Variants in TNRC6C observed in about 807,000 individuals in gnomAD.
The protein encoded by TNRC6C is trinucleotide repeat containing adaptor 6C.
Under a neutral mutation model 153.7 loss-of-function variants are expected in TNRC6C, and 20 were observed. The ratio of observed to expected loss-of-function variants is 0.13; its 90% CI spans 0.09 to 0.19. The LOEUF is 0.19. TNRC6C is among the 10% of genes least tolerant of loss of function. The pLI, the probability that TNRC6C is intolerant of heterozygous loss-of-function variation, is 1.00. For synonymous variants in TNRC6C, 811 were observed against 841.4 expected (o/e 0.96, Z 0.63); for missense variants, 1,987 against 2,172.0 (o/e 0.91, Z 1.69).
At chr17:78,030,342 G>A (rs1019883442) in intron 1 of TNRC6C, among the ~76,000 whole-genome samples, 2 of 151,840 alleles carry the variant, frequency 1.3e-5, no homozygotes, top group African/African-American at 4.8e-5. Context: ...GTGTGTGTGT[G>A]TAGTAGAGAC....
intron 16 of TNRC6C, chr17:78,097,850 C>T: frequency 6.5e-7 from 1 of 1,547,088 alleles, no homozygotes; most frequent in South Asian, 1.2e-5. Flanking sequence ...GCATCCGCAC[C>T]TAGTGTTGCA....
intron 3 of TNRC6C, among the ~76,000 whole-genome samples, chr17:78,051,805 A>G (rs2072543250): frequency 1.3e-5 from 2 of 152,236 alleles, no homozygotes; most frequent in East Asian, 1.9e-4. Flanking sequence ...CAAAGAAGAT[A>G]GGATAGACAT....
chr17:77,958,408 G>A (rs949671213), upstream of TNRC6C, among the ~76,000 whole-genome samples: 4 of 151,880 alleles, frequency 2.6e-5, no homozygotes, highest in South Asian at 2.1e-4. Flanking sequence ...CTCGGAGCGC[G>A]CACCGCTCGC....
intron 13 of TNRC6C, among the ~76,000 whole-genome samples, chr17:78,090,349 G>C (rs1157361925): frequency 6.6e-6 from 1 of 152,176 alleles, no homozygotes; most frequent in African/African-American, 2.4e-5. Context: ...GGCCCACCTG[G>C]CTCCTATGGG....
At chr17:78,031,902 T>G (rs185354852) in intron 2 of TNRC6C, 60 bp downstream of exon 4, 3 of 1,224,594 alleles carry the variant, frequency 2.4e-6, no homozygotes, top group Admixed American at 8.4e-5. Context: ...TTTTCAACTT[T>G]GCTGCTGAGC....
At chr17:78,071,422 G>C (rs1406633958) in intron 6 of TNRC6C, among the ~76,000 whole-genome samples, 1 of 151,804 alleles carries the variant, frequency 6.6e-6, no homozygotes, top group Non-Finnish European at 1.5e-5. Context: ...AATAGAAAAT[G>C]CTTTTTTTTT....
chr17:78,046,717 C>T (rs1488196080), intron 2 of TNRC6C, among the ~76,000 whole-genome samples: 1 of 152,182 alleles, frequency 6.6e-6, no homozygotes, highest in Non-Finnish European at 1.5e-5. Context: ...AGAAGTTTTG[C>T]TTTTCCTAAT....
chr17:77,986,245 G>A (rs931793543), intron 1 of TNRC6C, among the ~76,000 whole-genome samples: 5 of 151,916 alleles, frequency 3.3e-5, no homozygotes, highest in South Asian at 2.1e-4. Flanking sequence ...GAGAAACCTC[G>A]TCTCTATTAA....
intron 2 of TNRC6C, among the ~76,000 whole-genome samples, chr17:78,046,768 T>C (rs977067564): frequency 5.9e-5 from 9 of 152,208 alleles, no homozygotes; most frequent in African/African-American, 2.2e-4. Context: ...ATATAAGGGA[T>C]CTACTTTCAT....
intron 17 of TNRC6C, among the ~76,000 whole-genome samples, chr17:78,101,557 C>A (rs978778468): frequency 6.6e-6 from 1 of 152,090 alleles, no homozygotes; most frequent in African/African-American, 2.4e-5. Context: ...AGAAATAGAG[C>A]GGTGTGAAGT....
intron 1 of TNRC6C, among the ~76,000 whole-genome samples, chr17:77,961,680 C>T (rs969238027): frequency 6.6e-6 from 1 of 152,044 alleles, no homozygotes; most frequent in African/African-American, 2.4e-5. Context: ...CATTTCGAAA[C>T]AGGTTTACAT....
intron 2 of TNRC6C, among the ~76,000 whole-genome samples, chr17:78,040,869 C>T (rs1242262963): frequency 6.6e-6 from 1 of 152,164 alleles, no homozygotes; most frequent in African/African-American, 2.4e-5. Context: ...GAGTCGGGTG[C>T]CTCCTGGAGT....
chr17:78,089,253 C>T (rs1165367093), intron 13 of TNRC6C, among the ~76,000 whole-genome samples: 1 of 152,114 alleles, frequency 6.6e-6, no homozygotes, highest in African/African-American at 2.4e-5. Flanking sequence ...CAGGCGTGAG[C>T]CACCGTGCCC....
At chr17:77,973,411 G>A (rs189221007) in intron 1 of TNRC6C, among the ~76,000 whole-genome samples, 31 of 152,262 alleles carry the variant, frequency 2.0e-4, no homozygotes, top group Non-Finnish European at 4.1e-4. Context: ...GTGAATGACG[G>A]AATGCTTTCT....
chr17:78,017,409 C>T (rs578128820), intron 1 of TNRC6C, among the ~76,000 whole-genome samples: 2 of 152,230 alleles, frequency 1.3e-5, no homozygotes, highest in South Asian at 2.1e-4. Flanking sequence ...GCTCAGGTGG[C>T]GGAGCTGAAC....
At chr17:78,021,376 G>C (rs1376850230) in intron 1 of TNRC6C, among the ~76,000 whole-genome samples, 1 of 152,216 alleles carries the variant, frequency 6.6e-6, no homozygotes, top group African/African-American at 2.4e-5. Flanking sequence ...GCTTGTGCTC[G>C]TTCACTGGTC....
Position 78,097,999 on chromosome 17 carries a change from G to A in TNRC6C, c.4307-344G>A. On this transcript the variant is annotated intron_variant, in intron 16 of 19. Coordinates refer to ENST00000301624, the Ensembl canonical transcript of TNRC6C. ...GGCCGTGTGGCGTGATGAAGGATGG[G>A]TGGGGGCCTTGCCCAGGCACAGTGG... 6 of 790,292 alleles carry A rather than the reference G, an allele frequency of 7.6e-6. No homozygotes were observed. The South Asian group carries it at 9.3e-5, about 12-fold the overall frequency. 49.0% of individuals were successfully genotyped at this position (790,292 alleles called of 1,614,324 possible). A position where few individuals can be genotyped will look rare whatever the true frequency, so the allele number is the denominator to read the frequency against.
chr17:78,075,554 G>C lies in TNRC6C; in HGVS notation c.3060+276G>C, dbSNP rs924750811. Among the ~76,000 whole-genome samples the C allele has an allele frequency of 1.9e-4, 29 of 152,190 alleles. No individual in the cohort carries two copies. Among genetic ancestry groups the C allele is most frequent in the African/African-American group, 6.3e-4 (26 of 41,442 alleles). On this transcript the variant is annotated intron_variant, in intron 8 of 19. Coordinates refer to ENST00000301624, the Ensembl canonical transcript of TNRC6C. This position sits in a 1 kb window ranked among gnomAD's most constrained non-coding sequence, Gnocchi z 4.2. ...GGTTATCTGCTTCAATTTGTCCAATGGGCAAGGGTCATCAAATTTCCATTT... is the reference window on the plus strand; with the variant it reads ...GGTTATCTGCTTCAATTTGTCCAATCGGCAAGGGTCATCAAATTTCCATTT...
chr17:78,075,431 A>T lies in TNRC6C; in HGVS notation c.3060+153A>T. ...TTTTTTCTAACATTATGAACATTTA[A>T]CTCAAAGAAGGGAATGTCGTATTTC... On this transcript the variant is annotated intron_variant, in intron 8 of 19. Coordinates refer to ENST00000301624, the Ensembl canonical transcript of TNRC6C. The surrounding 1 kb of genome is among the most constrained non-coding windows in gnomAD (Gnocchi z 4.2). 5 of 883,196 alleles carry T rather than the reference A, an allele frequency of 5.7e-6. No homozygotes were observed. Among genetic ancestry groups the T allele is most frequent in the Non-Finnish European group, 6.7e-6 (4 of 598,164 alleles). 54.7% of individuals were successfully genotyped at this position (883,196 alleles called of 1,614,324 possible). A position where few individuals can be genotyped will look rare whatever the true frequency, so the allele number is the denominator to read the frequency against.
Sources: gnomAD v4.1 joint callset for allele counts (sites outside exome capture counted in the v4.1 genomes callset) on GRCh38, gnomAD v4.1.1 for gene constraint, Gnocchi (gnomAD v3.1) non-coding constraint, MANE v1.5 for transcripts, NCBI Gene and HGNC (gene_info 2026-07-23, HGNC 2026-07-21) for gene names.